Variants in PNPLA7 observed in about 807,000 individuals in gnomAD.
The protein encoded by PNPLA7 is patatin-like phospholipase domain-containing protein 7.
PNPLA7 carries 153 observed loss-of-function variants against 161.7 expected under a neutral mutation model. That is an observed-to-expected ratio of 0.95 (90% CI 0.83 to 1.08). The LOEUF is 1.08. Among genes scored for constraint, PNPLA7 ranks in the 50% least tolerant of loss-of-function variants. The probability of loss-of-function intolerance (pLI) is 0.00; values close to 1 mark genes in which losing one functional copy is unlikely to be tolerated. For synonymous variants in PNPLA7, 809 were observed against 782.1 expected (o/e 1.03, Z -0.57); for missense variants, 1,739 against 1,856.6 (o/e 0.94, Z 1.16).
intron 14 of PNPLA7, among the ~76,000 whole-genome samples, chr9:137,502,791 G>A (rs999653723): frequency 3.7e-5 from 4 of 108,966 alleles, no homozygotes; most frequent in Admixed American, 1.1e-4. Flanking sequence ...CTGGACAGGG[G>A]GGCACTGAAC....
chr9:137,515,199 C>T (rs1012196224), intron 12 of PNPLA7, among the ~76,000 whole-genome samples, 180 bp downstream of exon 12: 6 of 152,120 alleles, frequency 3.9e-5, no homozygotes, highest in African/African-American at 7.2e-5. Flanking sequence ...GGCGGCAGGA[C>T]GGCCACCAAG....
chr9:137,460,356 C>G lies in PNPLA7; in HGVS notation c.*37G>C. On this transcript the variant is annotated 3_prime_UTR_variant, in exon 35 of 35. Coordinates refer to ENST00000406427, the MANE Select transcript of PNPLA7 (RefSeq NM_001098537.3). ...AGCCTCAGCCTTGGGGACAGTCCCA[C>G]GGAAGACGCTGCATCCGGGCTCTTT... 6.3e-7 allele frequency: 1 copy of G among 1,583,372 alleles called. No homozygotes were observed. Among genetic ancestry groups the G allele is most frequent in the Non-Finnish European group, 8.6e-7 (1 of 1,157,990 alleles).
At chr9:137,522,265 G>A (rs970737842) in intron 9 of PNPLA7, among the ~76,000 whole-genome samples, 7 of 151,178 alleles carry the variant, frequency 4.6e-5, no homozygotes, top group East Asian at 2.0e-4. Flanking sequence ...TAGCAGAGAC[G>A]GGGTTTCACC....
In PNPLA7 at chr9:137,460,434, A is replaced by G. The variant is rs772271470; in HGVS notation, c.3988T>C (p.Phe1330Leu). ...SLRHRHPSLA[F>L]PKLSEGSSDQ... ...GAGGAGCCCTCAGACAGTTTTGGGA[A>G]AGCCAGACTGGGGTGTCGATGCCGC... The change falls in exon 35 of 35, where the codon TTC becomes CTC. Residue 1330 changes from phenylalanine to leucine, a missense_variant. This residue lies in a region of PNPLA7 where 703 missense variants were observed against 694.6 expected (regional missense o/e 1.01). Transcript: ENST00000406427. 1.2e-6 allele frequency: 2 copies of G among 1,612,738 alleles called. No individual in the cohort carries two copies. Among genetic ancestry groups the G allele is most frequent in the Admixed American group, 3.3e-5 (2 of 60,012 alleles).
intron 31 of PNPLA7, 59 bp from the exon 32 acceptor site, chr9:137,462,100 C>G (rs1003883223): frequency 6.6e-7 from 1 of 1,519,372 alleles, no homozygotes. Flanking sequence ...TTCCTGTGTT[C>G]TCAAAAGGGG....
intron 11 of PNPLA7, among the ~76,000 whole-genome samples, chr9:137,518,851 C>G (rs1416071824): frequency 8.1e-6 from 1 of 122,806 alleles, no homozygotes; most frequent in South Asian, 2.9e-4. Flanking sequence ...CACTCCATCC[C>G]CCACTCACTC....
At chr9:137,496,666 G>A (rs184075097) in intron 18 of PNPLA7, among the ~76,000 whole-genome samples, 2 of 152,160 alleles carry the variant, frequency 1.3e-5, no homozygotes, top group East Asian at 2.0e-4. Flanking sequence ...AGTTGAGATC[G>A]CGCCACTGCA....
At chr9:137,514,710 C>T (rs1219391135) in intron 12 of PNPLA7, among the ~76,000 whole-genome samples, 2 of 113,370 alleles carry the variant, frequency 1.8e-5, no homozygotes, top group African/African-American at 3.5e-5. Flanking sequence ...TTGATGTGCC[C>T]GGGCCCTGTG....
rs1293918447 is a variant in PNPLA7, at chr9:137,468,063, G to T, written c.2883-590C>A. Reference sequence around the variant, plus strand: ...CCTCCAGCAGGGCGTCTGAGAGGTGGTGGGAAAACTGGACTTGAGGGGCCC... The same window carrying T: ...CCTCCAGCAGGGCGTCTGAGAGGTGTTGGGAAAACTGGACTTGAGGGGCCC... On this transcript the variant is annotated intron_variant, in intron 25 of 34. Coordinates refer to ENST00000406427, the MANE Select transcript of PNPLA7 (RefSeq NM_001098537.3). The surrounding 1 kb of genome is among the most constrained non-coding windows in gnomAD (Gnocchi z 4.0). Among the ~76,000 whole-genome samples, 1 of 152,100 alleles carries T rather than the reference G, an allele frequency of 6.6e-6. No individual in the cohort carries two copies. The highest frequency in any genetic ancestry group is 1.5e-5 in the Non-Finnish European group (1 of 68,016).
At chr9:137,526,339 G>T (rs1330324624) in intron 8 of PNPLA7, among the ~76,000 whole-genome samples, 1 of 151,966 alleles carries the variant, frequency 6.6e-6, no homozygotes, top group Non-Finnish European at 1.5e-5. Flanking sequence ...GTGCAATGGC[G>T]CGATCTCAGC....
chr9:137,483,351 A>G (rs1832318548), intron 21 of PNPLA7, among the ~76,000 whole-genome samples: 1 of 152,180 alleles, frequency 6.6e-6, no homozygotes, highest in South Asian at 2.1e-4. Context: ...AATGAGTAAG[A>G]TTTTCTGCAT....
At chr9:137,491,459 A>G in intron 20 of PNPLA7, 3 of 984,512 alleles carry the variant, frequency 3.0e-6, no homozygotes, top group Non-Finnish European at 3.6e-6. Flanking sequence ...CAAGAAACTC[A>G]CTTCAAAACT....
At chr9:137,503,097 A>G (rs145226332) in intron 14 of PNPLA7, among the ~76,000 whole-genome samples, 269 of 152,162 alleles carry the variant, frequency 1.8e-3, no homozygotes, top group African/African-American at 5.8e-3. Context: ...GAGAGAGAAG[A>G]CTGGCTGGGT....
rs61347398 is a variant in PNPLA7, at chr9:137,464,537, C to G, written c.3040-81G>C. 6.8e-3 allele frequency: 8,759 copies of G among 1,294,898 alleles called. 431 individuals carry two copies. The African/African-American group carries it at 0.11, about 16-fold the overall frequency. The allele number at this position is 1,294,898 out of a possible 1,614,324, so 80.2% of individuals were successfully genotyped here. ...AGCAGACACGTGGCGTGCTGAGGGC[C>G]TCTCATGAATGGAACGGGGGTCCAG... On this transcript the variant is annotated intron_variant, in intron 26 of 34. Transcript: ENST00000406427.
At position 137,464,199 on chromosome 9, in the gene PNPLA7, C is replaced by A; in HGVS notation, c.3157-4G>T. On this transcript the variant is annotated splice_region_variant and splice_polypyrimidine_tract_variant and intron_variant, in intron 27 of 34. Transcript: ENST00000406427. ...CGAAATAAGGAATCCACAGGTCCTG[C>A]GGGCGGACGGGGCTCAGATGGGCCC... 1.2e-6 allele frequency: 2 copies of A among 1,613,736 alleles called. No individual in the cohort carries two copies. Among genetic ancestry groups the A allele is most frequent in the Non-Finnish European group, 8.5e-7 (1 of 1,179,974 alleles).
intron 9 of PNPLA7, among the ~76,000 whole-genome samples, chr9:137,522,200 G>T (rs2353070): frequency 1.3e-5 from 2 of 151,712 alleles, no homozygotes; most frequent in Non-Finnish European, 2.9e-5. Context: ...TCAGCCTCCC[G>T]AGTAGCTGGG....
rs1429818760 is a variant in PNPLA7 at position 137,476,768 on chromosome 9, C to G, written c.2882+1266G>C. On this transcript the variant is annotated intron_variant, in intron 25 of 34. Transcript: ENST00000406427. This position sits in a 1 kb window ranked among gnomAD's most constrained non-coding sequence, Gnocchi z 4.5. ...TCCAAGTCCCTGCACTGTCCCAGAC[C>G]CACAGAAAGAGACTTGGGTCCTGTC... Among the ~76,000 whole-genome samples, 7 of 152,178 alleles carry G rather than the reference C, an allele frequency of 4.6e-5. No individual in the cohort carries two copies. Among genetic ancestry groups the G allele is most frequent in the African/African-American group, 1.7e-4 (7 of 41,446 alleles).
rs955333712 is a variant in PNPLA7 at position 137,490,864 on chromosome 9, A to G, written c.2197+2149T>C. On this transcript the variant is annotated intron_variant, in intron 20 of 34. Transcript: ENST00000406427. The surrounding 1 kb of genome is among the most constrained non-coding windows in gnomAD (Gnocchi z 4.1). ...GGGCTACAGTTTGACAAAATTACAG[A>G]GGTAATAGTTAAGACAACCACATCA... 6.6e-5 allele frequency among the ~76,000 whole-genome samples: 10 copies of G among 152,198 alleles called. No homozygotes were observed. The highest frequency in any genetic ancestry group is 2.2e-4 in the African/African-American group (9 of 41,440).
rs58417100 is a variant in PNPLA7 at position 137,475,010 on chromosome 9, C to CAAAAAAAAAA, written c.2882+3014_2882+3023dup. The stretch of plus-strand genomic sequence containing the variant: ...ACTGCGACAGAACAAGACTCTGCCT[C>CAAAAAAAAAA]AAAAAAAAAAAAAAAAAAAAAAGAA... On this transcript the variant is annotated intron_variant, in intron 25 of 34. Transcript: ENST00000406427. Among the ~76,000 whole-genome samples, 47 of 63,614 alleles carry CAAAAAAAAAA rather than the reference C, an allele frequency of 7.4e-4. 1 individual carries two copies. The highest frequency in any genetic ancestry group is 2.9e-3 in the African/African-American group (43 of 14,638). 41.7% of individuals were successfully genotyped at this position (63,614 alleles called of 152,430 possible).
Sources: allele counts gnomAD v4.1 joint callset (sites outside exome capture counted in the v4.1 genomes callset), GRCh38; gene constraint gnomAD v4.1.1; regional missense constraint gnomAD v4.1.1; non-coding constraint Gnocchi (gnomAD v3.1); transcripts MANE v1.5; gene names NCBI Gene and HGNC (gene_info 2026-07-23, HGNC 2026-07-21).